Variants in NECTIN1 observed in about 807,000 individuals in gnomAD.
NECTIN1 encodes the protein nectin-1.
A neutral mutation model predicts 48.0 loss-of-function variants in NECTIN1; 23 were observed. The observed-to-expected ratio is 0.48, with a 90% CI of 0.34 to 0.68. The LOEUF is 0.68. NECTIN1 is among the 30% of genes least tolerant of loss of function. NECTIN1 has a pLI of 0.01. For synonymous variants in NECTIN1, 270 were observed against 288.9 expected, an observed-to-expected ratio of 0.93 and a Z score of 0.66; for missense variants, 591 against 709.9, an observed-to-expected ratio of 0.83 and a Z score of 1.90.
chr11:119,685,198 G>A (rs546614908), intron 1 of NECTIN1, among the ~76,000 whole-genome samples: 241 of 152,322 alleles, frequency 1.6e-3, no homozygotes, highest in African/African-American at 5.6e-3. Context: ...CACAGTCAGG[G>A]GCTAATTGCT....
rs146915565 is a variant in NECTIN1, at chr11:119,678,145, G to A, written c.430+270C>T. 1.5e-3 allele frequency among the ~76,000 whole-genome samples: 231 copies of A among 152,324 alleles called. 1 individual carries two copies. The highest frequency in any genetic ancestry group is 6.8e-3 in the Middle Eastern group (2 of 294). On this transcript the variant is annotated intron_variant, in intron 2 of 5. Coordinates refer to ENST00000264025, the MANE Select transcript of NECTIN1 (RefSeq NM_002855.5). The surrounding 1 kb of genome is among the most constrained non-coding windows in gnomAD (Gnocchi z 4.4). ...AGCGCAGGTGGCTCCTTTCCTTACC[G>A]TGGTGTCTGATGCTGCTGCCAGCAC... is the stretch of plus-strand genomic sequence containing the variant.
chr11:119,638,321 G>C, intron 7 of NECTIN1: 1 of 1,559,416 alleles, frequency 6.4e-7, no homozygotes, highest in Non-Finnish European at 8.8e-7. Flanking sequence ...TGGACTCCCA[G>C]TTGGATTGGG....
intron 1 of NECTIN1, among the ~76,000 whole-genome samples, chr11:119,707,024 A>G (rs946676370): frequency 5.9e-5 from 9 of 152,168 alleles, no homozygotes; most frequent in East Asian, 3.9e-4. Context: ...AGGGGTTAGA[A>G]TCTATCATTT....
Position 119,677,542 on chromosome 11 carries a change from C to T in NECTIN1, c.733+13G>A. ...CCCACCCCAGGAGGCCCCTGGCAGC[C>T]AGCCCTGCTCACACTGCACGTTGAG... On this transcript the variant is annotated intron_variant, in intron 3 of 5. Coordinates refer to ENST00000264025, the MANE Select transcript of NECTIN1 (RefSeq NM_002855.5). This position sits in a 1 kb window ranked among gnomAD's most constrained non-coding sequence, Gnocchi z 5.4. The T allele has an allele frequency of 2.5e-6, 4 of 1,612,392 alleles. No individual in the cohort carries two copies. Among genetic ancestry groups the T allele is most frequent in the Non-Finnish European group, 3.4e-6 (4 of 1,179,996 alleles).
Position 119,648,358 on chromosome 11 carries a change from A to ATGG in NECTIN1, c.1004-8347_1004-8346insCCA, listed in dbSNP as rs1565376729. On this transcript the variant is annotated intron_variant, in intron 5 of 7. Transcript: ENST00000341398. ...GGTGGTGGTGATGCTGGTGGTGGTGATGCTGGTGATGGTGGTGATGGTGGT... is the reference window on the plus strand; with the variant it reads ...GGTGGTGGTGATGCTGGTGGTGGTGATGGTGCTGGTGATGGTGGTGATGGTGGT... Among the ~76,000 whole-genome samples the ATGG allele has an allele frequency of 2.3e-3, 3 of 1,278 alleles. 1 individual carries two copies. Among genetic ancestry groups the ATGG allele is most frequent in the Non-Finnish European group, 5.0e-3 (3 of 600 alleles). 0.8% of individuals were successfully genotyped at this position (1,278 alleles called of 152,430 possible).
At chr11:119,651,812 T>C (rs1591440798) in intron 5 of NECTIN1, among the ~76,000 whole-genome samples, 1 of 152,272 alleles carries the variant, frequency 6.6e-6, no homozygotes, top group African/African-American at 2.4e-5. Context: ...CTAAGAGCTC[T>C]GGGGCGGACC....
chr11:119,717,642 A>G (rs1338165662), intron 1 of NECTIN1, among the ~76,000 whole-genome samples: 2 of 152,170 alleles, frequency 1.3e-5, no homozygotes, highest in Admixed American at 1.3e-4. Flanking sequence ...CTCCGCTCCA[A>G]TTTATGCCTA....
chr11:119,657,739 A>AAAAAAT (rs1555076121), downstream of NECTIN1, among the ~76,000 whole-genome samples: 1 of 128,298 alleles, frequency 7.8e-6, no homozygotes, highest in Non-Finnish European at 1.6e-5. Context: ...TGTCTCTATA[A>AAAAAAT]AATAATAATA....
chr11:119,725,166 C>A (rs545911635), intron 1 of NECTIN1, among the ~76,000 whole-genome samples: 3 of 152,302 alleles, frequency 2.0e-5, no homozygotes, highest in African/African-American at 7.2e-5. Context: ...CCTCTGCCCC[C>A]CAAGCCTGGT....
At chr11:119,666,969 G>A (rs1338488715) in intron 5 of NECTIN1, among the ~76,000 whole-genome samples, 2 of 152,116 alleles carry the variant, frequency 1.3e-5, no homozygotes, top group Non-Finnish European at 2.9e-5. Context: ...GGACCCCCCA[G>A]GGGCTCCTAT....
At chr11:119,695,661 T>C (rs966115591) in intron 1 of NECTIN1, among the ~76,000 whole-genome samples, 8 of 151,810 alleles carry the variant, frequency 5.3e-5, no homozygotes, top group Middle Eastern at 3.4e-3. Context: ...AGCTGAGTGA[T>C]CAAAGAAGGA....
Position 119,675,595 on chromosome 11 carries a change from T to A in NECTIN1, c.852-285A>T, listed in dbSNP as rs577357797. On this transcript the variant is annotated intron_variant, in intron 4 of 5. Transcript: ENST00000264025. ...AGGTTCAAGGCCAGGGAACCACAGC[T>A]AGCAGGCAGCAGCATGGGAGCTCCA... is the stretch of plus-strand genomic sequence containing the variant. The A allele has an allele frequency of 7.2e-4, 266 of 370,230 alleles. 5 individuals are homozygous for A. In the South Asian group the frequency reaches 7.6e-3, roughly 11 times the overall value. The allele number at this position is 370,230 out of a possible 1,614,324, so 22.9% of individuals were successfully genotyped here.
At chr11:119,718,650 T>C (rs1458178466) in intron 1 of NECTIN1, among the ~76,000 whole-genome samples, 3 of 152,138 alleles carry the variant, frequency 2.0e-5, no homozygotes, top group African/African-American at 7.2e-5. Context: ...GGAGCTACTA[T>C]ACCTGCCTCT....
Position 119,677,199 on chromosome 11 carries a change from C to A in NECTIN1, c.754G>T (p.Glu252Ter). ...AGGTACCAGTTGCCATCAAACCCCT[C>A]AATGGTTACCTCAGGCTCATCTGTG... is the stretch of plus-strand genomic sequence containing the variant. ...NVQYEPEVTI[E>*]GFDGNWYLQR... is the part of the protein sequence containing the mutation. The change falls in exon 4 of 6, where the codon GAG (glutamate) becomes TAG (stop). Residue 252 changes from glutamate (E) to a stop codon, truncating the protein, a stop_gained. Transcript: ENST00000264025. LOFTEE classifies it high-confidence loss of function. This position sits in a 1 kb window ranked among gnomAD's most constrained non-coding sequence, Gnocchi z 5.4. 1 of 1,614,118 alleles carries A rather than the reference C, an allele frequency of 6.2e-7. No homozygotes were observed. The highest frequency in any genetic ancestry group is 8.5e-7 in the Non-Finnish European group (1 of 1,179,990).
intron 1 of NECTIN1, among the ~76,000 whole-genome samples, chr11:119,689,558 G>A (rs994022463): frequency 6.6e-6 from 1 of 152,244 alleles, no homozygotes; most frequent in Non-Finnish European, 1.5e-5. Flanking sequence ...CAGGGTGTGG[G>A]TGGGGCCCTG....
At position 119,678,898 on chromosome 11, in the gene NECTIN1, A is replaced by C; in HGVS notation, c.80-133T>G. ...TATTCCGATTGTAAAAATATTAATTACTTGTTATAAAAACACTCTAGGCAA... is the reference window on the plus strand; with the variant it reads ...TATTCCGATTGTAAAAATATTAATTCCTTGTTATAAAAACACTCTAGGCAA... On this transcript the variant is annotated intron_variant, in intron 1 of 5. Coordinates refer to ENST00000264025, the MANE Select transcript of NECTIN1 (RefSeq NM_002855.5). The surrounding 1 kb of genome is among the most constrained non-coding windows in gnomAD (Gnocchi z 4.4). 1 of 703,344 alleles carries C rather than the reference A, an allele frequency of 1.4e-6. No individual in the cohort carries two copies. The highest frequency in any genetic ancestry group is 2.5e-6 in the Non-Finnish European group (1 of 396,724). The allele number at this position is 703,344 out of a possible 1,614,324, so 43.6% of individuals were successfully genotyped here.
intron 5 of NECTIN1, among the ~76,000 whole-genome samples, chr11:119,671,176 G>A (rs926752293): frequency 2.0e-5 from 3 of 151,562 alleles, no homozygotes; most frequent in Admixed American, 1.3e-4. Context: ...GGAGTGGAGC[G>A]TCCTCCCCTC....
intron 1 of NECTIN1, among the ~76,000 whole-genome samples, chr11:119,697,970 T>C (rs1865371390): frequency 6.6e-6 from 1 of 152,198 alleles, no homozygotes; most frequent in African/African-American, 2.4e-5. Flanking sequence ...TCCCAGCTCC[T>C]TACCAGGGAC....
intron 1 of NECTIN1, among the ~76,000 whole-genome samples, chr11:119,698,018 G>A (rs1425631043): frequency 6.6e-6 from 1 of 152,226 alleles, no homozygotes; most frequent in Admixed American, 6.5e-5. Flanking sequence ...CCGGGGTTTT[G>A]GCATGGCAGA....
Sources: gnomAD v4.1 joint callset for allele counts (sites outside exome capture counted in the v4.1 genomes callset) on GRCh38, gnomAD v4.1.1 for gene constraint, Gnocchi (gnomAD v3.1) non-coding constraint, MANE v1.5 for transcripts, NCBI Gene and HGNC (gene_info 2026-07-23, HGNC 2026-07-21) for gene names.